TTC21A: variants seen among roughly 807,000 people sequenced by gnomAD.
TTC21A encodes tetratricopeptide repeat domain 21A, also known as tetratricopeptide repeat protein 21A.
TTC21A carries 128 observed loss-of-function variants against 156.4 expected under a neutral mutation model. That is an observed-to-expected ratio of 0.82 (90% CI 0.71 to 0.95). The LOEUF (loss-of-function observed/expected upper bound fraction) is 0.95, where lower values mean the gene tolerates loss of function less well. TTC21A is among the 40% of genes least tolerant of loss of function. The pLI is 0.00. For synonymous variants in TTC21A, 587 were observed against 617.1 expected, an observed-to-expected ratio of 0.95 and a Z score of 0.72; for missense variants, 1,435 against 1,602.3, an observed-to-expected ratio of 0.90 and a Z score of 1.78.
intron 7 of TTC21A, 92 bp downstream of exon 7, chr3:39,118,245 G>A (rs1044810544): frequency 2.4e-6 from 3 of 1,250,922 alleles, no homozygotes; most frequent in Non-Finnish European, 3.5e-6. Flanking sequence ...AGCCCTTGTA[G>A]GGAGCTCCTG....
Position 39,136,427 on chromosome 3 carries a change from C to G in TTC21A, c.3015C>G (p.Ala1005=). 1.2e-6 allele frequency: 2 copies of G among 1,614,228 alleles called. No individual in the cohort carries two copies. Among genetic ancestry groups the G allele is most frequent in the East Asian group, 4.5e-5 (2 of 44,888 alleles). Residue 1005 remains alanine, a synonymous_variant, in exon 23 of 29, where the codon GCC becomes GCG. Transcript: ENST00000683103. Reference sequence around the variant, plus strand: ...GTGGAAAACTTGAAGACATTCCTGCCTTCTTTGAATTGGCCAAGAAGGTGT... The same window carrying G: ...GTGGAAAACTTGAAGACATTCCTGCGTTCTTTGAATTGGCCAAGAAGGTGT... ...RRSGKLEDIP[A]FFELAKKVSS...
chr3:39,136,536 A>G (rs780056603), intron 23 of TTC21A, 29 bp downstream of exon 23: 7 of 1,607,580 alleles, frequency 4.4e-6, no homozygotes, highest in Non-Finnish European at 6.0e-6. Flanking sequence ...GTTGAGGGGC[A>G]GCTGTGTGCA....
rs2039332545 is a variant in TTC21A at position 39,138,753 on chromosome 3, A to G, written c.3907A>G (p.Ile1303Val). The G allele has an allele frequency of 1.2e-6, 2 of 1,614,082 alleles. No homozygotes were observed. The highest frequency in any genetic ancestry group is 4.5e-5 in the East Asian group (2 of 44,880). Residue 1303 changes from isoleucine to valine, a missense_variant, in exon 29 of 29, where the codon ATT (isoleucine) becomes GTT (valine). Transcript: ENST00000683103. ...CGACTACCCCAAGATCAGGGAGGAAATTTTGGAAAAGGCCCGAAGGTCCCT... is the reference window on the plus strand; with the variant it reads ...CGACTACCCCAAGATCAGGGAGGAAGTTTTGGAAAAGGCCCGAAGGTCCCT... ...HPDYPKIREE[I>V]LEKARRSLRP
chr3:39,120,114 A>G lies in TTC21A; in HGVS notation c.900+94A>G, dbSNP rs75620217. The G allele has an allele frequency of 1.1e-3, 963 of 870,624 alleles. 9 individuals carry two copies. The African/African-American group carries it at 0.014, about 13-fold the overall frequency. The allele number at this position is 870,624 out of a possible 1,614,324, so 53.9% of individuals were successfully genotyped here. A position where few individuals can be genotyped will look rare whatever the true frequency, so the allele number is the denominator to read the frequency against. On this transcript the variant is annotated intron_variant, in intron 8 of 28. Transcript: ENST00000683103. ...CCCCAGGAAGCTCCTTGAGTGCCTT[A>G]CCCCTCCCTTCTGGCTCAAACTTGT...
At position 39,125,221 on chromosome 3, in the gene TTC21A, C is replaced by G. The variant is rs1420518650; in HGVS notation, c.1191+61C>G. ...TGATGTCCTCTGCTGTCCTCCCACC[C>G]CCACTTTCCAATAGAAAGCATGCAA... On this transcript the variant is annotated intron_variant, in intron 10 of 28. Transcript: ENST00000683103. 6 of 1,535,166 alleles carry G rather than the reference C, an allele frequency of 3.9e-6. No homozygotes were observed. In the Admixed American group the frequency reaches 1.0e-4, roughly 26 times the overall value.
In TTC21A at chr3:39,130,496, A is replaced by G; in HGVS notation, c.2319+138A>G. The G allele has an allele frequency of 5.3e-6, 5 of 935,536 alleles. No homozygotes were observed. Among genetic ancestry groups the G allele is most frequent in the Non-Finnish European group, 8.0e-6 (5 of 621,818 alleles). The allele number at this position is 935,536 out of a possible 1,614,324, so 58.0% of individuals were successfully genotyped here. A position where few individuals can be genotyped will look rare whatever the true frequency, so the allele number is the denominator to read the frequency against. On this transcript the variant is annotated intron_variant, in intron 17 of 28. Coordinates refer to ENST00000683103, the MANE Select transcript of TTC21A (RefSeq NM_001366900.1). This position sits in a 1 kb window ranked among gnomAD's most constrained non-coding sequence, Gnocchi z 4.5. ...TCAGCTCCTTGCTGAATGGGGTGCC[A>G]AGGGGAGAACTCAGCAACTCTCTGC...
chr3:39,118,012 CA>C, intron 6 of TTC21A, 56 bp from the exon 7 acceptor site: 1 of 1,284,252 alleles, frequency 7.8e-7, no homozygotes, highest in South Asian at 1.2e-5. Context: ...GCCAACACAC[CA>C]TCCCAGCTTT....
intron 4 of TTC21A, 61 bp from the exon 5 acceptor site, chr3:39,112,397 C>A: frequency 6.3e-7 from 1 of 1,577,302 alleles, no homozygotes; most frequent in Non-Finnish European, 8.7e-7. Context: ...GGATCATGTG[C>A]AGGCTGAGTT....
Position 39,136,444 on chromosome 3 carries a change from A to G in TTC21A, c.3032A>G (p.Lys1011Arg). The part of the protein sequence containing the change: ...EDIPAFFELA[K>R]KVSSRVPLEP... Reference sequence around the variant, plus strand: ...ATTCCTGCCTTCTTTGAATTGGCCAAGAAGGTGTCTAGCCGGGTGCCTTTG... The same window carrying G: ...ATTCCTGCCTTCTTTGAATTGGCCAGGAAGGTGTCTAGCCGGGTGCCTTTG... Residue 1011 changes from lysine (K) to arginine (R), a missense_variant, in exon 23 of 29, where the codon AAG (lysine) becomes AGG (arginine). Coordinates refer to ENST00000683103, the MANE Select transcript of TTC21A (RefSeq NM_001366900.1). 1.2e-6 allele frequency: 2 copies of G among 1,614,272 alleles called. No homozygotes were observed. Among genetic ancestry groups the G allele is most frequent in the Non-Finnish European group, 1.7e-6 (2 of 1,180,052 alleles).
rs766637460 is a variant in TTC21A, at chr3:39,138,749, G to T, written c.3903G>T (p.Glu1301Asp). The change falls in exon 29 of 29, where the codon GAG becomes GAT. Residue 1301 changes from glutamate (E) to aspartate (D), a missense_variant. Glu to Asp is a conservative substitution (Grantham distance 45). Transcript: ENST00000683103. ...ACCCCGACTACCCCAAGATCAGGGA[G>T]GAAATTTTGGAAAAGGCCCGAAGGT... ...REHPDYPKIREEILEKARRSL... is the reference protein window; with the variant it reads ...REHPDYPKIRDEILEKARRSL... 1 of 1,614,114 alleles carries T rather than the reference G, an allele frequency of 6.2e-7. No homozygotes were observed. The highest frequency in any genetic ancestry group is 8.5e-7 in the Non-Finnish European group (1 of 1,180,002).
rs75418963 is a variant in TTC21A, at chr3:39,110,046, A to C, written c.175A>C (p.Ile59Leu). ...CTTTGCAGAGCACATCCAGGATGCC[A>C]TCAGTGACCTGGAAAGCATCAGGCA... The part of the protein sequence containing the change: ...VLKEEHIQDA[I>L]SDLESIRHHP... Residue 59 changes from isoleucine to leucine, a missense_variant, in exon 3 of 29, where the codon ATC (isoleucine) becomes CTC (leucine). Physicochemically the swap from Ile to Leu is conservative, Grantham distance 5. Transcript: ENST00000683103. 4.2e-5 allele frequency: 68 copies of C among 1,613,872 alleles called. 1 individual carries two copies. The South Asian group carries it at 7.4e-4, about 17-fold the overall frequency.
At chr3:39,135,644 G>A (rs1193926089) in intron 22 of TTC21A, among the ~76,000 whole-genome samples, 3 of 152,352 alleles carry the variant, frequency 2.0e-5, no homozygotes, top group African/African-American at 7.2e-5. Flanking sequence ...AGGAGTATGG[G>A]TGCTGGGGCC....
Position 39,130,916 on chromosome 3 carries a change from T to C in TTC21A, c.2459-76T>C, listed in dbSNP as rs866963110. 5.6e-6 allele frequency: 9 copies of C among 1,608,412 alleles called. No homozygotes were observed. The South Asian group carries it at 6.6e-5, about 12-fold the overall frequency. On this transcript the variant is annotated intron_variant, in intron 18 of 28. Coordinates refer to ENST00000683103, the MANE Select transcript of TTC21A (RefSeq NM_001366900.1). The surrounding 1 kb of genome is among the most constrained non-coding windows in gnomAD (Gnocchi z 4.5). The stretch of plus-strand genomic sequence containing the variant: ...CCCCATTCCCCATTAGCTGAAGTCC[T>C]GATCCCAGCGCTCCCCACCAACACA...
intron 12 of TTC21A, among the ~76,000 whole-genome samples, chr3:39,127,002 G>A (rs1534072): frequency 0.035 from 5,300 of 152,228 alleles, 189 homozygotes; most frequent in East Asian, 0.16. Context: ...GCAGGGTTGC[G>A]GTTTTGAAAA....
chr3:39,118,129 T>C lies in TTC21A; in HGVS notation c.777T>C (p.Leu259=), dbSNP rs754454892. ...DACQILTVHE[L]AREGNMTTAT... Reference sequence around the variant, plus strand: ...GCCAAATTCTAACCGTGCATGAGCTTGCAAGAGAAGGAAACATGACCACAG... The same window carrying C: ...GCCAAATTCTAACCGTGCATGAGCTCGCAAGAGAAGGAAACATGACCACAG... Residue 259 remains leucine, a synonymous_variant, in exon 7 of 29, where the codon CTT becomes CTC. Transcript: ENST00000683103. The C allele has an allele frequency of 6.2e-7, 1 of 1,614,156 alleles. No homozygotes were observed. Among genetic ancestry groups the C allele is most frequent in the South Asian group, 1.1e-5 (1 of 91,084 alleles).
Position 39,107,793 on chromosome 3 carries a change from G to T in TTC21A, c.-45G>T. 1 of 1,611,610 alleles carries T rather than the reference G, an allele frequency of 6.2e-7. No homozygotes were observed. Among genetic ancestry groups the T allele is most frequent in the Non-Finnish European group, 8.5e-7 (1 of 1,179,852 alleles). ...GACCCTGCCTCGGGAATCCCGCTCT[G>T]CACCGCCCCACCAGACCCGGACTCG... On this transcript the variant is annotated 5_prime_UTR_variant, in exon 1 of 29. Coordinates refer to ENST00000683103, the MANE Select transcript of TTC21A (RefSeq NM_001366900.1).
chr3:39,136,854 G>A, intron 23 of TTC21A, 45 bp from the exon 24 acceptor site: 2 of 1,607,004 alleles, frequency 1.2e-6, no homozygotes, highest in Non-Finnish European at 1.7e-6. Flanking sequence ...GCCCTGTCTG[G>A]GCCTCAGTTT....
At chr3:39,116,193 C>T (rs1002961430) in intron 6 of TTC21A, among the ~76,000 whole-genome samples, 4 of 152,250 alleles carry the variant, frequency 2.6e-5, no homozygotes, top group African/African-American at 7.2e-5. Context: ...AGTGCCCCAG[C>T]GTGTTCCCTC....
chr3:39,116,512 G>A (rs2037304364), intron 6 of TTC21A, among the ~76,000 whole-genome samples: 1 of 145,692 alleles, frequency 6.9e-6, no homozygotes, highest in South Asian at 2.2e-4. Flanking sequence ...GTCTTGCTTT[G>A]TTGCCTAGGC....
Sources: gnomAD v4.1 joint callset for allele counts (sites outside exome capture counted in the v4.1 genomes callset) on GRCh38, gnomAD v4.1.1 for gene constraint, Gnocchi (gnomAD v3.1) non-coding constraint, MANE v1.5 for transcripts, NCBI Gene and HGNC (gene_info 2026-07-23, HGNC 2026-07-21) for gene names.